ZNF276: variants seen among roughly 807,000 people sequenced by gnomAD.
ZNF276 encodes the protein centromere protein Z.
Under a neutral mutation model 63.9 loss-of-function variants are expected in ZNF276, and 59 were observed. The observed-to-expected ratio is 0.92, with a 90% CI of 0.75 to 1.15. The LOEUF is 1.15. Ranked by LOEUF, ZNF276 falls within the 50% of genes most tolerant of loss-of-function variation. ZNF276 has a pLI of 0.00. For synonymous variants in ZNF276, 496 were observed against 348.4 expected, an observed-to-expected ratio of 1.42 and a Z score of -4.72; for missense variants, 1,084 against 843.8, an observed-to-expected ratio of 1.28 and a Z score of -3.53.
chr16:89,722,918 C>A, intron 2 of ZNF276, 84 bp downstream of exon 2: 2 of 1,557,994 alleles, frequency 1.3e-6, no homozygotes, highest in Middle Eastern at 1.7e-4. Flanking sequence ...GGCGTGCCTC[C>A]GCGGGAGCCT....
In ZNF276 at chr16:89,721,782, C is replaced by T; in HGVS notation, c.142C>T (p.Arg48Trp). The T allele has an allele frequency of 4.0e-6, 5 of 1,260,820 alleles. No individual in the cohort carries two copies. The highest frequency in any genetic ancestry group is 5.0e-6 in the Non-Finnish European group (5 of 1,003,830). 78.1% of individuals were successfully genotyped at this position (1,260,820 alleles called of 1,614,324 possible). A position where few individuals can be genotyped will look rare whatever the true frequency, so the allele number is the denominator to read the frequency against. ...GGPRVDGATARRAWGPVGSCG... is the reference protein window; with the variant it reads ...GGPRVDGATAWRAWGPVGSCG... ...GCCGAGGGTGGACGGGGCGACGGCG[C>T]GGCGCGCCTGGGGCCCGGTGGGGTC... is the stretch of plus-strand genomic sequence containing the variant. Residue 48 changes from arginine (R) to tryptophan (W), a missense_variant, in exon 1 of 11, where the codon CGG becomes TGG. By Grantham distance (101) the Arg-to-Trp change is moderately radical. Transcript: ENST00000443381.
Position 89,738,618 on chromosome 16 carries a change from C to A in ZNF276, c.*372C>A. 1 of 1,613,496 alleles carries A rather than the reference C, an allele frequency of 6.2e-7. No individual in the cohort carries two copies. The highest frequency in any genetic ancestry group is 8.5e-7 in the Non-Finnish European group (1 of 1,180,014). ...AGGTCCCGTCAGAAGAGATGAGGCT[C>A]CTGGGACAGGTCAGCGTCAGGGGCA... On this transcript the variant is annotated 3_prime_UTR_variant, in exon 11 of 11. Coordinates refer to ENST00000443381, the MANE Select transcript of ZNF276 (RefSeq NM_001113525.2).
At position 89,734,123 on chromosome 16, in the gene ZNF276, C is replaced by T. The variant is rs574590382; in HGVS notation, c.1474+85C>T. 1.3e-5 allele frequency: 17 copies of T among 1,292,862 alleles called. No homozygotes were observed. In the African/African-American group the frequency reaches 2.3e-4, roughly 18 times the overall value. 80.1% of individuals were successfully genotyped at this position (1,292,862 alleles called of 1,614,324 possible). A position where few individuals can be genotyped will look rare whatever the true frequency, so the allele number is the denominator to read the frequency against. ...CCAGTCTTCCTCATACCCATCCCCG[C>T]CCCAAGAGTTGGGGGTGCGTGAAGG... On this transcript the variant is annotated intron_variant, in intron 9 of 10. Coordinates refer to ENST00000443381, the MANE Select transcript of ZNF276 (RefSeq NM_001113525.2).
In ZNF276 at chr16:89,733,937, A is replaced by T. The variant is rs773432484; in HGVS notation, c.1373A>T (p.His458Leu). Reference protein sequence around the residue: ...ADGMKKHIKEHHEEVRERPCP... With the variant: ...ADGMKKHIKELHEEVRERPCP... ...CTCCTTCAGAAGCACATCAAGGAGC[A>T]CCACGAGGAGGTCCGGGAGCGGCCC... Residue 458 changes from histidine (H) to leucine (L), a missense_variant, in exon 9 of 11, where the codon CAC becomes CTC. Coordinates refer to ENST00000443381, the MANE Select transcript of ZNF276 (RefSeq NM_001113525.2). 6.2e-7 allele frequency: 1 copy of T among 1,613,870 alleles called. No individual in the cohort carries two copies. The highest frequency in any genetic ancestry group is 8.5e-7 in the Non-Finnish European group (1 of 1,179,982).
chr16:89,731,263 C>G (rs905525548), intron 6 of ZNF276, among the ~76,000 whole-genome samples: 1 of 152,190 alleles, frequency 6.6e-6, no homozygotes, highest in Admixed American at 6.5e-5. Context: ...GCGTTTTTGT[C>G]TTGTTTCTGA....
In ZNF276 at chr16:89,740,070, G is replaced by A. The variant is rs761705192; in HGVS notation, c.*1824G>A. The A allele has an allele frequency of 1.0e-4, 165 of 1,614,042 alleles. No homozygotes were observed. Among genetic ancestry groups the A allele is most frequent in the Non-Finnish European group, 1.3e-4 (151 of 1,180,024 alleles). ...AACACTCGAGGATTGCTGCACAAACGTGGAAAGCCTTTGGCAGGTCTGTGG... is the reference window on the plus strand; with the variant it reads ...AACACTCGAGGATTGCTGCACAAACATGGAAAGCCTTTGGCAGGTCTGTGG... On this transcript the variant is annotated 3_prime_UTR_variant, in exon 11 of 11. Coordinates refer to ENST00000443381, the MANE Select transcript of ZNF276 (RefSeq NM_001113525.2).
At chr16:89,725,901 C>A (rs922221324) in intron 4 of ZNF276, among the ~76,000 whole-genome samples, 1 of 152,190 alleles carries the variant, frequency 6.6e-6, no homozygotes, top group Non-Finnish European at 1.5e-5. Context: ...TCTGCCTTGG[C>A]CTCCCAAAAG....
Position 89,739,889 on chromosome 16 carries a change from C to T in ZNF276, c.*1643C>T. On this transcript the variant is annotated 3_prime_UTR_variant, in exon 11 of 11. Transcript: ENST00000443381. The stretch of plus-strand genomic sequence containing the variant: ...TCCCAACTAAAATGGAGCTTATAAA[C>T]TTACTTAGCAAGGAACCTCAAGGAG... 1 of 1,566,698 alleles carries T rather than the reference C, an allele frequency of 6.4e-7. No individual in the cohort carries two copies. Among genetic ancestry groups the T allele is most frequent in the Non-Finnish European group, 8.6e-7 (1 of 1,156,912 alleles).
chr16:89,731,026 C>T (rs984550376), intron 6 of ZNF276, among the ~76,000 whole-genome samples: 2 of 152,232 alleles, frequency 1.3e-5, no homozygotes, highest in South Asian at 2.1e-4. Flanking sequence ...CAAAGATTCC[C>T]GTCCCAAACA....
rs371709074 is a variant in ZNF276 at position 89,740,636 on chromosome 16, C to CAA, written c.*2407_*2408dup. 0.02 allele frequency: 8,938 copies of CAA among 448,926 alleles called. No individual in the cohort carries two copies. The highest frequency in any genetic ancestry group is 0.026 in the Middle Eastern group (45 of 1,752). The allele number at this position is 448,926 out of a possible 1,614,324, so 27.8% of individuals were successfully genotyped here. ...GGGTGACAGAGTGAGACCCCCATCTCAAAAAAAAAAAAAAAAAACCCACGG... is the reference window on the plus strand; with the variant it reads ...GGGTGACAGAGTGAGACCCCCATCTCAAAAAAAAAAAAAAAAAAAACCCACGG... On this transcript the variant is annotated 3_prime_UTR_variant, in exon 11 of 11. Transcript: ENST00000443381.
At position 89,739,458 on chromosome 16, in the gene ZNF276, A is replaced by C. The variant is rs2151712605; in HGVS notation, c.*1212A>C. On this transcript the variant is annotated 3_prime_UTR_variant, in exon 11 of 11. Transcript: ENST00000443381. The stretch of plus-strand genomic sequence containing the variant: ...TGGGAAACACTGCCCAGCCCTGACC[A>C]GCCCTGTGGGTGGAGGTACCTGTAA... The C allele has an allele frequency of 6.4e-7, 1 of 1,552,142 alleles. No homozygotes were observed. Among genetic ancestry groups the C allele is most frequent in the Non-Finnish European group, 8.7e-7 (1 of 1,147,846 alleles).
upstream of ZNF276, chr16:89,720,554 C>G (rs900134772): frequency 1.7e-6 from 2 of 1,180,498 alleles, no homozygotes; most frequent in Admixed American, 4.6e-5. Context: ...AGTGGAAAGC[C>G]AAGGTCCGCA....
chr16:89,739,374 G>A lies in ZNF276; in HGVS notation c.*1128G>A, dbSNP rs2062063307. On this transcript the variant is annotated 3_prime_UTR_variant, in exon 11 of 11. Transcript: ENST00000443381. ...CCAAGGGATACTGCTCATCTGTGGA[G>A]CAGAGGCACAGACAACCCTTCCCAT... 6.3e-7 allele frequency: 1 copy of A among 1,587,730 alleles called. No homozygotes were observed. The highest frequency in any genetic ancestry group is 1.3e-5 in the African/African-American group (1 of 74,654).
chr16:89,726,115 A>G (rs1348644827), intron 4 of ZNF276, among the ~76,000 whole-genome samples: 1 of 152,172 alleles, frequency 6.6e-6, no homozygotes, highest in Non-Finnish European at 1.5e-5. Flanking sequence ...TCCTGGGTTC[A>G]AGTGATTCTC....
Position 89,721,720 on chromosome 16 carries a change from T to A in ZNF276, c.80T>A (p.Val27Asp). ...QCGASDGGGG[V>D]SRTRGRPSLS... The stretch of plus-strand genomic sequence containing the variant: ...GGGGCCTCGGACGGCGGCGGCGGCG[T>A]CAGCCGGACTCGGGGCCGCCCTTCC... Residue 27 changes from valine (V) to aspartate (D), a missense_variant, in exon 1 of 11, where the codon GTC becomes GAC. Physicochemically the swap from Val to Asp is radical, Grantham distance 152. Transcript: ENST00000443381. 1 of 1,358,878 alleles carries A rather than the reference T, an allele frequency of 7.4e-7. No homozygotes were observed. Among genetic ancestry groups the A allele is most frequent in the South Asian group, 1.7e-5 (1 of 60,024 alleles). 84.2% of individuals were successfully genotyped at this position (1,358,878 alleles called of 1,614,324 possible).
At chr16:89,734,103 C>G in intron 9 of ZNF276, 65 bp downstream of exon 9, 6 of 1,483,400 alleles carry the variant, frequency 4.0e-6, no homozygotes, top group East Asian at 2.3e-5. Context: ...GCTTTCCAGT[C>G]TTCCTCATAC....
At position 89,733,391 on chromosome 16, in the gene ZNF276, AG is replaced by A; in HGVS notation, c.1260del (p.Lys421ArgfsTer31). The A allele has an allele frequency of 6.2e-7, 1 of 1,612,458 alleles. No individual in the cohort carries two copies. Among genetic ancestry groups the A allele is most frequent in the Non-Finnish European group, 8.5e-7 (1 of 1,178,706 alleles). On this transcript the variant is annotated frameshift_variant, in exon 7 of 11. Transcript: ENST00000443381. LOFTEE classifies it high-confidence loss of function. ...AAGCCGGGACCCAAGCCCGGATGGA[AG>A]AAGAAGCTTCGTTGTGAGAGGTGAT... ...RKKPGPKPGW[K>X]KKLRCEREEL...
chr16:89,721,473 TCC>T, upstream of ZNF276: 1 of 559,614 alleles, frequency 1.8e-6, no homozygotes, highest in African/African-American at 2.1e-5. Context: ...GCCGGCGGGG[TCC>T]CGCCCCTGGC....
chr16:89,733,903 ACC>A lies in ZNF276; in HGVS notation c.1357-17_1357-16del. The A allele has an allele frequency of 1.2e-6, 2 of 1,611,316 alleles. No individual in the cohort carries two copies. The highest frequency in any genetic ancestry group is 8.5e-7 in the Non-Finnish European group (1 of 1,178,020). Reference sequence around the variant, plus strand: ...CCGGGTGCGGCTCTGAGGGTCTCTCACCGAGTCTCTCCTTCAGAAGCACATCA... The same window carrying A: ...CCGGGTGCGGCTCTGAGGGTCTCTCAGAGTCTCTCCTTCAGAAGCACATCA... On this transcript the variant is annotated splice_polypyrimidine_tract_variant and intron_variant, in intron 8 of 10. Coordinates refer to ENST00000443381, the MANE Select transcript of ZNF276 (RefSeq NM_001113525.2).
Sources: allele counts gnomAD v4.1 joint callset (sites outside exome capture counted in the v4.1 genomes callset), GRCh38; gene constraint gnomAD v4.1.1; transcripts MANE v1.5; gene names NCBI Gene and HGNC (gene_info 2026-07-23, HGNC 2026-07-21).